CHRM2: variants seen among roughly 807,000 people sequenced by gnomAD.
CHRM2 encodes muscarinic acetylcholine receptor M2.
Under a neutral mutation model 25.0 loss-of-function variants are expected in CHRM2, and 8 were observed. The observed-to-expected ratio is 0.32, with a 90% CI of 0.19 to 0.58. CHRM2 has a LOEUF of 0.58. Ranked by LOEUF, CHRM2 falls within the 20% of genes least tolerant of loss-of-function variation. CHRM2 has a pLI of 0.88. For synonymous variants in CHRM2, 202 were observed against 205.7 expected (o/e 0.98, Z 0.15); for missense variants, 440 against 567.1 (o/e 0.78, Z 2.28).
intron 2 of CHRM2, among the ~76,000 whole-genome samples, chr7:136,977,479 G>A (rs1802180054): frequency 6.6e-6 from 1 of 152,010 alleles, no homozygotes; most frequent in East Asian, 1.9e-4. Context: ...ATTTCTTCAA[G>A]TAAAAAGAAA....
chr7:136,998,404 T>C (rs568992917), intron 3 of CHRM2, among the ~76,000 whole-genome samples: 5 of 152,298 alleles, frequency 3.3e-5, no homozygotes, highest in Admixed American at 2.0e-4. Context: ...TTTCTTTTTG[T>C]AGATACACAG....
intron 2 of CHRM2, among the ~76,000 whole-genome samples, chr7:136,921,729 C>G (rs1584759914): frequency 6.6e-6 from 1 of 151,906 alleles, no homozygotes; most frequent in Non-Finnish European, 1.5e-5. Flanking sequence ...ACTTTTTGCC[C>G]CCAAATTGAT....
intron 2 of CHRM2, chr7:136,898,900 TACAAC>T (rs1351837264): frequency 6.6e-6 from 1 of 152,072 alleles, no homozygotes; most frequent in Non-Finnish European, 1.5e-5. Flanking sequence ...AGATCATACT[TACAAC>T]ACTGACCAAA....
chr7:137,019,568 T>C lies in CHRM2; in HGVS notation c.*3302T>C, dbSNP rs1315887040. On this transcript the variant is annotated 3_prime_UTR_variant, in exon 4 of 4. Transcript: ENST00000680005. ...CTGGAAAGGTGTATCTGTAAGGTCT[T>C]TGTTTTTTCTCTCCTCATAGCAATA... 6.6e-6 allele frequency: 1 copy of C among 151,900 alleles called. No individual in the cohort carries two copies. Among genetic ancestry groups the C allele is most frequent in the African/African-American group, 2.4e-5 (1 of 41,418 alleles). 9.4% of individuals were successfully genotyped at this position (151,900 alleles called of 1,614,324 possible). A position where few individuals can be genotyped will look rare whatever the true frequency, so the allele number is the denominator to read the frequency against.
intron 2 of CHRM2, among the ~76,000 whole-genome samples, chr7:136,940,711 C>A (rs960273469): frequency 1.3e-5 from 2 of 152,128 alleles, no homozygotes; most frequent in African/African-American, 4.8e-5. Flanking sequence ...CTCCAAACCA[C>A]GAACAAAAGC....
intron 2 of CHRM2, among the ~76,000 whole-genome samples, chr7:136,973,253 C>T (rs1449871530): frequency 8.8e-4 from 59 of 67,134 alleles, no homozygotes; most frequent in African/African-American, 2.6e-3. Context: ...GGGATGGTGG[C>T]AGGTGATGAT....
chr7:137,000,656 C>A (rs1803971023), intron 3 of CHRM2, among the ~76,000 whole-genome samples: 2 of 147,984 alleles, frequency 1.4e-5, no homozygotes, highest in South Asian at 4.2e-4. Context: ...CCTTAACCTA[C>A]CTTTCCTTTA....
At position 137,015,684 on chromosome 7, in the gene CHRM2, C is replaced by T; in HGVS notation, c.819C>T (p.Asn273=). 6.2e-7 allele frequency: 1 copy of T among 1,613,144 alleles called. No homozygotes were observed. Residue 273 remains asparagine (N), a synonymous_variant, in exon 4 of 4, where the codon AAC becomes AAT. Coordinates refer to ENST00000680005, the MANE Select transcript of CHRM2 (RefSeq NM_001006630.2). The surrounding 1 kb of genome is among the most constrained non-coding windows in gnomAD (Gnocchi z 5.1). ...CCCCCAGGGATCCTGTGACTGAAAA[C>T]TGTGTTCAGGGAGAGGAGAAGGAGA... ...GKAPRDPVTE[N]CVQGEEKESS...
intron 2 of CHRM2, chr7:136,938,236 T>G: frequency 1.3e-6 from 1 of 790,262 alleles, no homozygotes. Context: ...TTACTGAATC[T>G]TTAGCTAATG....
intron 2 of CHRM2, among the ~76,000 whole-genome samples, chr7:136,968,867 C>A (rs1801587568): frequency 6.6e-6 from 1 of 151,700 alleles, no homozygotes. Context: ...ACAAACACTG[C>A]ACTATCTTGT....
chr7:136,953,851 C>T (rs931206319), intron 2 of CHRM2, among the ~76,000 whole-genome samples: 3 of 152,116 alleles, frequency 2.0e-5, no homozygotes, highest in African/African-American at 7.2e-5. Context: ...AGAGAAGGTC[C>T]AGCAACACTA....
rs1227150200 is a variant in CHRM2 at position 137,015,951 on chromosome 7, C to T, written c.1086C>T (p.Ala362=). Residue 362 remains alanine (A), a synonymous_variant, in exon 4 of 4, where the codon GCC becomes GCT. Coordinates refer to ENST00000680005, the MANE Select transcript of CHRM2 (RefSeq NM_001006630.2). This position sits in a 1 kb window ranked among gnomAD's most constrained non-coding sequence, Gnocchi z 5.1. ...QNGDEKQNIV[A]RKIVKMTKQP... ...GAGATGAAAAGCAGAATATTGTAGC[C>T]CGCAAGATTGTGAAGATGACTAAGC... 1.2e-6 allele frequency: 2 copies of T among 1,613,072 alleles called. No individual in the cohort carries two copies. Among genetic ancestry groups the T allele is most frequent in the South Asian group, 2.2e-5 (2 of 91,044 alleles).
intron 2 of CHRM2, among the ~76,000 whole-genome samples, chr7:136,945,598 T>C (rs908302465): frequency 1.3e-5 from 2 of 152,174 alleles, no homozygotes; most frequent in African/African-American, 2.4e-5. Context: ...TTTATACTAG[T>C]TCCTTGCTGT....
In CHRM2 at chr7:137,015,980, C is replaced by G. The variant is rs759119090; in HGVS notation, c.1115C>G (p.Pro372Arg). 2.5e-6 allele frequency: 4 copies of G among 1,612,970 alleles called. No individual in the cohort carries two copies. In the Admixed American group the frequency reaches 6.7e-5, roughly 27 times the overall value. Residue 372 changes from proline to arginine, a missense_variant, in exon 4 of 4, where the codon CCT (proline) becomes CGT (arginine). Physicochemically the swap from Pro to Arg is moderately radical, Grantham distance 103 (BLOSUM62 -2). Transcript: ENST00000680005. This position sits in a 1 kb window ranked among gnomAD's most constrained non-coding sequence, Gnocchi z 5.1. The part of the protein sequence containing the change: ...ARKIVKMTKQ[P>R]AKKKPPPSRE... The stretch of plus-strand genomic sequence containing the variant: ...AAGATTGTGAAGATGACTAAGCAGC[C>G]TGCAAAAAAGAAGCCTCCTCCTTCC...
intron 3 of CHRM2, among the ~76,000 whole-genome samples, chr7:137,004,100 GA>G (rs1296669322): frequency 6.6e-6 from 1 of 152,018 alleles, no homozygotes; most frequent in Non-Finnish European, 1.5e-5. Context: ...GTGCTTCAAG[GA>G]AAAACCACAC....
Position 136,927,040 on chromosome 7 carries a change from C to T in CHRM2, c.-125+57622C>T, listed in dbSNP as rs922574986. On this transcript the variant is annotated intron_variant, in intron 2 of 3. Transcript: ENST00000680005. Reference sequence around the variant, plus strand: ...AGAATATGCTAATAGTGTAACAGGACGTCAGCTCCTGATGTCAGATGGCCT... The same window carrying T: ...AGAATATGCTAATAGTGTAACAGGATGTCAGCTCCTGATGTCAGATGGCCT... Among the ~76,000 whole-genome samples the T allele has an allele frequency of 2.2e-4, 32 of 144,248 alleles. 1 individual carries two copies. Among genetic ancestry groups the T allele is most frequent in the Non-Finnish European group, 1.9e-4 (12 of 63,322 alleles). The allele number at this position is 144,248 out of a possible 152,430, so 94.6% of individuals were successfully genotyped here. A position where few individuals can be genotyped will look rare whatever the true frequency, so the allele number is the denominator to read the frequency against.
intron 2 of CHRM2, among the ~76,000 whole-genome samples, chr7:136,973,731 G>C (rs1194541790): frequency 6.6e-6 from 1 of 151,984 alleles, no homozygotes; most frequent in African/African-American, 2.4e-5. Context: ...GGTAGGAATT[G>C]TTGTCGGTAA....
chr7:136,884,827 C>A (rs1002882186), intron 2 of CHRM2, among the ~76,000 whole-genome samples: 2 of 152,164 alleles, frequency 1.3e-5, no homozygotes, highest in African/African-American at 4.8e-5. Context: ...CAAAATCAAA[C>A]AGATATTTTG....
intron 2 of CHRM2, among the ~76,000 whole-genome samples, chr7:136,973,397 G>A (rs1399580318): frequency 1.2e-4 from 10 of 85,968 alleles, no homozygotes; most frequent in Non-Finnish European, 2.0e-4. Flanking sequence ...AGGTGATGAC[G>A]GTGACGGTGT....
Sources: allele counts gnomAD v4.1 joint callset (sites outside exome capture counted in the v4.1 genomes callset), GRCh38; gene constraint gnomAD v4.1.1; non-coding constraint Gnocchi (gnomAD v3.1); transcripts MANE v1.5; gene names NCBI Gene and HGNC (gene_info 2026-07-23, HGNC 2026-07-21).